The following ULK4 variants were observed in gnomAD, a reference collection of about 807,000 sequenced individuals.
The protein encoded by ULK4 is inactive serine/threonine-protein kinase ULK4.
ULK4 carries 133 observed loss-of-function variants against 160.6 expected under a neutral mutation model. The observed-to-expected ratio is 0.83, with a 90% CI of 0.72 to 0.96. The LOEUF (loss-of-function observed/expected upper bound fraction) is 0.96, where lower values mean the gene tolerates loss of function less well. ULK4 is among the 40% of genes least tolerant of loss of function. The probability of loss-of-function intolerance (pLI) is 0.00; values close to 1 mark genes in which losing one functional copy is unlikely to be tolerated. For missense variants in ULK4, 1,580 were observed against 1,499.5 expected (o/e 1.05, Z -0.89); for synonymous variants, 534 against 539.8 (o/e 0.99, Z 0.15).
chr3:41,328,469 G>A (rs748306902), intron 35 of ULK4, among the ~76,000 whole-genome samples: 2 of 152,102 alleles, frequency 1.3e-5, no homozygotes, highest in South Asian at 4.1e-4. Flanking sequence ...GAGAAAAGAA[G>A]CAGTTCAGAG....
chr3:41,767,382 T>TA (rs1160894076), intron 21 of ULK4, among the ~76,000 whole-genome samples: 1 of 152,114 alleles, frequency 6.6e-6, no homozygotes, highest in East Asian at 1.9e-4. Flanking sequence ...GCTTTTTTAA[T>TA]AAAAAAATCT....
At chr3:41,471,593 G>T (rs759075074) in intron 32 of ULK4, among the ~76,000 whole-genome samples, 2 of 152,094 alleles carry the variant, frequency 1.3e-5, no homozygotes, top group Non-Finnish European at 2.9e-5. Context: ...TATACGTGAG[G>T]ACAAGTCTTG....
chr3:41,822,740 T>C (rs2041187506), intron 18 of ULK4, among the ~76,000 whole-genome samples: 1 of 144,900 alleles, frequency 6.9e-6, no homozygotes, highest in Non-Finnish European at 1.5e-5. Context: ...TTTTTTTTTT[T>C]TGAGACAGTC....
chr3:41,541,170 T>C (rs999892029), intron 32 of ULK4, among the ~76,000 whole-genome samples: 3 of 152,088 alleles, frequency 2.0e-5, no homozygotes, highest in Non-Finnish European at 2.9e-5. Context: ...TATCTTACAT[T>C]GAAGTCTTTA....
At chr3:41,489,194 C>T (rs371460973) in intron 32 of ULK4, among the ~76,000 whole-genome samples, 5 of 152,256 alleles carry the variant, frequency 3.3e-5, no homozygotes, top group East Asian at 3.9e-4. Context: ...CTTTTACTGA[C>T]GACATAGGCA....
intron 2 of ULK4, among the ~76,000 whole-genome samples, chr3:41,947,893 A>G (rs1188281603): frequency 1.3e-5 from 2 of 152,150 alleles, no homozygotes; most frequent in Non-Finnish European, 2.9e-5. Flanking sequence ...TTTGGTGTTG[A>G]AGTGAGTGAA....
At chr3:41,543,484 C>T (rs1559381085) in intron 32 of ULK4, among the ~76,000 whole-genome samples, 1 of 152,150 alleles carries the variant, frequency 6.6e-6, no homozygotes, top group East Asian at 1.9e-4. Flanking sequence ...AGAGAACACA[C>T]TGTAGTACCT....
Position 41,715,445 on chromosome 3 carries a change from A to G in ULK4, c.2577+2T>C, listed in dbSNP as rs200529626. ...TCCTTTTCCTCCTCAATACAATAGT[A>G]CCTGTGAAGTTACGAGGTGAAGCAC... On this transcript the variant is annotated splice_donor_variant, in intron 24 of 36. Transcript: ENST00000301831. LOFTEE classifies it high-confidence loss of function. The G allele has an allele frequency of 6.8e-6, 11 of 1,614,044 alleles. No individual in the cohort carries two copies. The Admixed American group carries it at 1.3e-4, about 20-fold the overall frequency.
At chr3:41,531,743 A>G (rs1269881578) in intron 32 of ULK4, among the ~76,000 whole-genome samples, 1 of 152,212 alleles carries the variant, frequency 6.6e-6, no homozygotes, top group African/African-American at 2.4e-5. Context: ...ACCAGAGTCA[A>G]ATAGAGTAGA....
Position 41,942,564 on chromosome 3 carries a change from T to C in ULK4, c.139-4367A>G, listed in dbSNP as rs551221679. Among the ~76,000 whole-genome samples the C allele has an allele frequency of 6.6e-5, 10 of 151,210 alleles. No homozygotes were observed. In the South Asian group the frequency reaches 2.1e-3, roughly 32 times the overall value. Reference sequence around the variant, plus strand: ...CGGGCGCGGTGGCTCACGCCTGTAATGCCAGCACTTTGGGAGGCCAAGGCA... The same window carrying C: ...CGGGCGCGGTGGCTCACGCCTGTAACGCCAGCACTTTGGGAGGCCAAGGCA... On this transcript the variant is annotated intron_variant, in intron 2 of 36. Transcript: ENST00000301831.
At chr3:41,898,539 G>A in intron 13 of ULK4, 47 bp from the exon 14 acceptor site, 2 of 1,197,926 alleles carry the variant, frequency 1.7e-6, no homozygotes, top group Non-Finnish European at 2.4e-6. Flanking sequence ...TTTTAAGATG[G>A]ATATCTGTCT....
At chr3:41,841,437 G>A (rs961197350) in intron 17 of ULK4, among the ~76,000 whole-genome samples, 3 of 149,766 alleles carry the variant, frequency 2.0e-5, no homozygotes, top group African/African-American at 4.9e-5. Flanking sequence ...CGTCTGGGAA[G>A]TGGGCACCTC....
intron 17 of ULK4, among the ~76,000 whole-genome samples, chr3:41,850,025 T>C (rs1208665023): frequency 1.3e-5 from 2 of 152,168 alleles, no homozygotes; most frequent in African/African-American, 2.4e-5. Flanking sequence ...AGTGTCCTCA[T>C]TGTTCAATTC....
chr3:41,938,355 T>C (rs1179277537), intron 2 of ULK4, among the ~76,000 whole-genome samples, 158 bp from the exon 3 acceptor site: 2 of 152,166 alleles, frequency 1.3e-5, no homozygotes, highest in East Asian at 3.8e-4. Context: ...TTATGAGGGC[T>C]AGTTACACAG....
rs78539555 is a variant in ULK4 at position 41,606,919 on chromosome 3, G to A, written c.3120+8750C>T. Among the ~76,000 whole-genome samples the A allele has an allele frequency of 3.7e-4, 56 of 151,962 alleles. No individual in the cohort carries two copies. The East Asian group carries it at 8.1e-3, about 22-fold the overall frequency. ...CTCCCATTTTACAGGTTGTCTCTTC[G>A]TCCTGTTTATTGTTTCTTTTGCTGT... On this transcript the variant is annotated intron_variant, in intron 31 of 36. Transcript: ENST00000301831.
intron 32 of ULK4, among the ~76,000 whole-genome samples, chr3:41,558,391 A>G (rs1324944177): frequency 6.6e-6 from 1 of 152,156 alleles, no homozygotes; most frequent in Admixed American, 6.5e-5. Context: ...ACCAGCATTG[A>G]AATATAATGA....
chr3:41,598,559 C>T (rs1395339959), intron 31 of ULK4, among the ~76,000 whole-genome samples: 2 of 152,134 alleles, frequency 1.3e-5, no homozygotes, highest in Non-Finnish European at 2.9e-5. Context: ...ACACGTAAAT[C>T]ATGTGGGAAC....
chr3:41,329,215 T>G (rs1243256914), intron 35 of ULK4, among the ~76,000 whole-genome samples: 2 of 152,216 alleles, frequency 1.3e-5, no homozygotes, highest in East Asian at 3.8e-4. Context: ...CTGCAACGTA[T>G]CAATACTACA....
intron 9 of ULK4, among the ~76,000 whole-genome samples, chr3:41,912,582 CATATT>C (rs1698827728): frequency 6.6e-6 from 1 of 152,180 alleles, no homozygotes; most frequent in African/African-American, 2.4e-5. Flanking sequence ...TAATGACTAT[CATATT>C]ATATCAATGA....
Sources: allele counts gnomAD v4.1 joint callset (sites outside exome capture counted in the v4.1 genomes callset), GRCh38; gene constraint gnomAD v4.1.1; transcripts MANE v1.5; gene names NCBI Gene and HGNC (gene_info 2026-07-23, HGNC 2026-07-21).